Variants in CYGB observed in about 807,000 individuals in gnomAD.
CYGB encodes histoglobin.
In CYGB, 13 loss-of-function variants were observed where a neutral mutation model predicts 20.7. That is an observed-to-expected ratio of 0.63 (90% CI 0.41 to 1.00). The LOEUF is 1.00. Ranked by LOEUF, CYGB falls within the 50% of genes least tolerant of loss-of-function variation. CYGB has a pLI of 0.00. For missense variants in CYGB, 218 were observed against 257.2 expected (o/e 0.85, Z 1.04); for synonymous variants, 93 against 107.4 (o/e 0.87, Z 0.83).
chr17:76,545,226 C>A (rs898902283), intron 1 of CYGB: 2 of 456,678 alleles, frequency 4.4e-6, no homozygotes, highest in African/African-American at 2.0e-5. Context: ...CAGAAAGTTA[C>A]CTCTCTCAGC....
In CYGB at chr17:76,530,356, T is replaced by TC. The variant is rs2074821948; in HGVS notation, c.539+622dup. 6.6e-6 allele frequency among the ~76,000 whole-genome samples: 1 copy of TC among 151,978 alleles called. No individual in the cohort carries two copies. The highest frequency in any genetic ancestry group is 1.5e-5 in the Non-Finnish European group (1 of 67,982). Reference sequence around the variant, plus strand: ...CAGGAGTCACAGAGGGCGGCCACCCTCCTTGAGCCACCTCCTGGGCCCAGA... The same window carrying TC: ...CAGGAGTCACAGAGGGCGGCCACCCTCCCTTGAGCCACCTCCTGGGCCCAGA... On this transcript the variant is annotated intron_variant, in intron 3 of 3. Transcript: ENST00000293230. This position sits in a 1 kb window ranked among gnomAD's most constrained non-coding sequence, Gnocchi z 6.1.
At chr17:76,544,959 G>A (rs1354811429) in intron 1 of CYGB, 5 of 456,636 alleles carry the variant, frequency 1.1e-5, no homozygotes, top group Admixed American at 9.4e-5. Context: ...TCCAGAGGAA[G>A]GGCGGGAAAA....
At chr17:76,543,084 G>C (rs758393407) in intron 1 of CYGB, 1 of 471,590 alleles carries the variant, frequency 2.1e-6, no homozygotes, top group Admixed American at 2.3e-5. Flanking sequence ...CTGCAGCAGC[G>C]GCAAGAGGGA....
upstream of CYGB, among the ~76,000 whole-genome samples, chr17:76,538,998 T>G (rs2074955902): frequency 6.6e-6 from 1 of 152,242 alleles, no homozygotes; most frequent in Admixed American, 6.5e-5. Context: ...CAGCCTCAGC[T>G]GCAGCCTGGG....
chr17:76,536,581 G>C (rs904501691), intron 1 of CYGB, among the ~76,000 whole-genome samples: 1 of 152,156 alleles, frequency 6.6e-6, no homozygotes, highest in African/African-American at 2.4e-5. Context: ...ACCTCTATAA[G>C]GATGGTGTGT....
chr17:76,544,623 C>G (rs780858428), intron 1 of CYGB: 1 of 456,680 alleles, frequency 2.2e-6, no homozygotes, highest in Non-Finnish European at 4.4e-6. Flanking sequence ...TCGCCTGTCT[C>G]AGCTCCTGTC....
rs949911530 is a variant in CYGB, at chr17:76,531,447, T to C, written c.375+13A>G. ...TGGGCGGTGGGGGCTCTGCAGCAGA[T>C]GGGGGCGCATACCTTGAAGTACACC... On this transcript the variant is annotated intron_variant, in intron 2 of 3. Transcript: ENST00000293230. The surrounding 1 kb of genome is among the most constrained non-coding windows in gnomAD (Gnocchi z 7.4). 1.3e-6 allele frequency: 2 copies of C among 1,596,870 alleles called. No homozygotes were observed. Among genetic ancestry groups the C allele is most frequent in the Non-Finnish European group, 1.7e-6 (2 of 1,165,720 alleles).
At chr17:76,532,012 G>A (rs181325442) in intron 1 of CYGB, 8 of 246,338 alleles carry the variant, frequency 3.2e-5, no homozygotes, top group East Asian at 7.9e-5. Flanking sequence ...AGTCATAGCC[G>A]AGAGGGTAAG....
At chr17:76,537,313 G>A (rs2074928425) in intron 1 of CYGB, 87 bp downstream of exon 1, 1 of 1,375,842 alleles carries the variant, frequency 7.3e-7, no homozygotes. Context: ...GGTGGCGCTG[G>A]AGCTCGGACC....
rs546165697 is a variant in CYGB, at chr17:76,531,517, G to A, written c.318C>T (p.Leu106=). 350 of 1,613,992 alleles carry A rather than the reference G, an allele frequency of 2.2e-4. No individual in the cohort carries two copies. The highest frequency in any genetic ancestry group is 2.8e-4 in the Non-Finnish European group (328 of 1,179,808). ...LHDPDKVSSV[L]ALVGKAHALK... The stretch of plus-strand genomic sequence containing the variant: ...GGGCGTGGGCTTTCCCCACAAGGGC[G>A]AGCACAGAGGACACCTTGTCGGGGT... The change falls in exon 2 of 4, where the codon CTC becomes CTT. Residue 106 remains leucine, a synonymous_variant. Coordinates refer to ENST00000293230, the MANE Select transcript of CYGB (RefSeq NM_134268.5). This position sits in a 1 kb window ranked among gnomAD's most constrained non-coding sequence, Gnocchi z 7.4.
At chr17:76,540,911 T>G (rs1482665930), upstream of CYGB, among the ~76,000 whole-genome samples, 3 of 152,168 alleles carry the variant, frequency 2.0e-5, no homozygotes, top group African/African-American at 7.2e-5. The surrounding 1 kb of genome is among the most constrained non-coding windows in gnomAD (Gnocchi z 5.0). Context: ...TTGCTCGCCT[T>G]TCCTTGCCCT....
In CYGB at chr17:76,531,744, C is replaced by T. The variant is rs898005025; in HGVS notation, c.144-53G>A. On this transcript the variant is annotated intron_variant, in intron 1 of 3. Transcript: ENST00000293230. The surrounding 1 kb of genome is among the most constrained non-coding windows in gnomAD (Gnocchi z 7.4). The stretch of plus-strand genomic sequence containing the variant: ...GAAGCTGGAGGCTGCCTCGGGCCCA[C>T]CCTGAAGCTTCCAGGATAGTGGGGG... The T allele has an allele frequency of 4.1e-6, 6 of 1,477,398 alleles. No homozygotes were observed. Among genetic ancestry groups the T allele is most frequent in the Non-Finnish European group, 4.6e-6 (5 of 1,081,326 alleles). 91.5% of individuals were successfully genotyped at this position (1,477,398 alleles called of 1,614,324 possible). A position where few individuals can be genotyped will look rare whatever the true frequency, so the allele number is the denominator to read the frequency against.
intron 1 of CYGB, among the ~76,000 whole-genome samples, chr17:76,547,885 A>G (rs1307015423): frequency 6.6e-6 from 1 of 150,774 alleles, no homozygotes; most frequent in Non-Finnish European, 1.5e-5. Flanking sequence ...ACACACATAC[A>G]CATACACACA....
upstream of CYGB, chr17:76,540,307 C>T (rs562136087): frequency 2.0e-4 from 286 of 1,406,760 alleles, 3 homozygotes; most frequent in East Asian, 3.0e-3. The surrounding 1 kb of genome is among the most constrained non-coding windows in gnomAD (Gnocchi z 5.0). Context: ...GCAGGGGCTG[C>T]GTGAACCTTC....
In CYGB at chr17:76,530,044, T is replaced by C. The variant is rs757058412; in HGVS notation, c.539+935A>G. 8 of 985,320 alleles carry C rather than the reference T, an allele frequency of 8.1e-6. No homozygotes were observed. Among genetic ancestry groups the C allele is most frequent in the Non-Finnish European group, 9.6e-6 (8 of 829,896 alleles). 61.0% of individuals were successfully genotyped at this position (985,320 alleles called of 1,614,324 possible). A position where few individuals can be genotyped will look rare whatever the true frequency, so the allele number is the denominator to read the frequency against. On this transcript the variant is annotated intron_variant, in intron 3 of 3. Coordinates refer to ENST00000293230, the MANE Select transcript of CYGB (RefSeq NM_134268.5). The surrounding 1 kb of genome is among the most constrained non-coding windows in gnomAD (Gnocchi z 6.1). ...TGCCTGTGAACAGAAGGGCCGGCAG[T>C]CTTGGGGGCCCGTGCAGAGCCCGGC...
chr17:76,548,212 T>C (rs962349512), intron 1 of CYGB, among the ~76,000 whole-genome samples: 4 of 151,426 alleles, frequency 2.6e-5, no homozygotes, highest in African/African-American at 9.7e-5. Context: ...TACAGACATA[T>C]ACACTTATAG....
upstream of CYGB, among the ~76,000 whole-genome samples, chr17:76,539,175 G>A (rs1704015934): frequency 6.6e-6 from 1 of 152,178 alleles, no homozygotes; most frequent in Admixed American, 6.5e-5. Context: ...CCAGACCCAT[G>A]TCTCAGCGTG....
At chr17:76,540,823 C>A (rs1031434855), upstream of CYGB, among the ~76,000 whole-genome samples, 3 of 152,228 alleles carry the variant, frequency 2.0e-5, no homozygotes, top group Admixed American at 2.0e-4. The surrounding 1 kb of genome is among the most constrained non-coding windows in gnomAD (Gnocchi z 5.0). Flanking sequence ...CAGCACGGGG[C>A]GGTCCCCCGG....
rs1018901076 is a variant in CYGB, at chr17:76,527,850, G to T, written c.*728C>A. The T allele has an allele frequency of 1.3e-5, 6 of 452,412 alleles. No homozygotes were observed. Among genetic ancestry groups the T allele is most frequent in the African/African-American group, 1.2e-4 (6 of 49,938 alleles). 28.0% of individuals were successfully genotyped at this position (452,412 alleles called of 1,614,324 possible). On this transcript the variant is annotated 3_prime_UTR_variant, in exon 4 of 4. Coordinates refer to ENST00000293230, the MANE Select transcript of CYGB (RefSeq NM_134268.5). ...GGACAGCCGGTGAGTCAGTTCCTCT[G>T]AGGGAGTAGGGGGAGCCCACTCCTT...
Sources: allele counts gnomAD v4.1 joint callset (sites outside exome capture counted in the v4.1 genomes callset), GRCh38; gene constraint gnomAD v4.1.1; non-coding constraint Gnocchi (gnomAD v3.1); transcripts MANE v1.5; gene names NCBI Gene and HGNC (gene_info 2026-07-23, HGNC 2026-07-21).